FRYL: variants seen among roughly 807,000 people sequenced by gnomAD.
FRYL encodes protein furry homolog-like.
In FRYL, 150 loss-of-function variants were observed where a neutral mutation model predicts 351.2. The observed-to-expected ratio is 0.43, with a 90% CI of 0.37 to 0.49. FRYL has a LOEUF of 0.49. FRYL is among the 20% of genes least tolerant of loss of function. The pLI, the probability that FRYL is intolerant of heterozygous loss-of-function variation, is 0.00. For missense variants in FRYL, 3,036 were observed against 3,619.3 expected, an observed-to-expected ratio of 0.84 and a Z score of 4.13; for synonymous variants, 1,153 against 1,257.1, an observed-to-expected ratio of 0.92 and a Z score of 1.75.
intron 8 of FRYL, 37 bp downstream of exon 8, chr4:48,609,707 A>G (rs1220984687): frequency 9.1e-7 from 1 of 1,103,550 alleles, no homozygotes. Flanking sequence ...CTGGATTGCA[A>G]AAAAAGGCAA....
At position 48,534,700 on chromosome 4, in the gene FRYL, AAAAG is replaced by A; in HGVS notation, c.6565-19_6565-16del. 1 of 1,455,088 alleles carries A rather than the reference AAAAG, an allele frequency of 6.9e-7. No homozygotes were observed. The highest frequency in any genetic ancestry group is 9.5e-7 in the Non-Finnish European group (1 of 1,053,320). The allele number at this position is 1,455,088 out of a possible 1,614,324, so 90.1% of individuals were successfully genotyped here. On this transcript the variant is annotated splice_polypyrimidine_tract_variant and intron_variant, in intron 48 of 63. Transcript: ENST00000358350. Reference sequence around the variant, plus strand: ...TTCTCTAACAGCTAAAAATAATGTTAAAAGTAATATTAAAGTATACTTTAATCAG... The same window carrying A: ...TTCTCTAACAGCTAAAAATAATGTTATAATATTAAAGTATACTTTAATCAG...
intron 3 of FRYL, among the ~76,000 whole-genome samples, chr4:48,652,676 TAA>T (rs1191135360): frequency 5.9e-5 from 9 of 152,320 alleles, no homozygotes; most frequent in Non-Finnish European, 1.0e-4. Flanking sequence ...GACTTTATCT[TAA>T]GAGGGTTTTT....
intron 4 of FRYL, among the ~76,000 whole-genome samples, chr4:48,632,098 A>ATATATATG (rs1753228038): frequency 2.3e-4 from 5 of 21,478 alleles, no homozygotes; most frequent in African/African-American, 4.5e-4. Flanking sequence ...AAAAATATAT[A>ATATATATG]TATATATATA....
Position 48,553,374 on chromosome 4 carries a change from CCTT to C in FRYL, c.4273_4275del (p.Lys1425del). 6.2e-7 allele frequency: 1 copy of C among 1,602,498 alleles called. No homozygotes were observed. The highest frequency in any genetic ancestry group is 8.5e-7 in the Non-Finnish European group (1 of 1,175,622). On this transcript the variant is annotated inframe_deletion, in exon 36 of 64. Coordinates refer to ENST00000358350, the MANE Select transcript of FRYL (RefSeq NM_015030.2). Reference sequence around the variant, plus strand: ...TTATCTCTACCTAAATATACAATGACCTTCTTCACCTGTCACAAAAGAAATCGT... The same window carrying C: ...TTATCTCTACCTAAATATACAATGACCTTCACCTGTCACAAAAGAAATCGT...
chr4:48,534,494 T>C (rs1220687086), intron 49 of FRYL, 51 bp downstream of exon 49: 1 of 1,392,446 alleles, frequency 7.2e-7, no homozygotes, highest in Admixed American at 1.9e-5. Flanking sequence ...TGTGTGATTA[T>C]AAATCATTTT....
At chr4:48,503,179 C>T (rs1720102727) in intron 60 of FRYL, among the ~76,000 whole-genome samples, 1 of 150,592 alleles carries the variant, frequency 6.6e-6, no homozygotes, top group Non-Finnish European at 1.5e-5. Context: ...AAAACCAAAA[C>T]CCAACTGTAA....
chr4:48,570,127 TTAAGA>T (rs1278167396), intron 27 of FRYL, among the ~76,000 whole-genome samples: 4 of 152,208 alleles, frequency 2.6e-5, no homozygotes, highest in Non-Finnish European at 5.9e-5. Context: ...TTTTTTTTCC[TTAAGA>T]TATCTTTTCA....
In FRYL at chr4:48,553,289, G is replaced by A. The variant is rs1733301879; in HGVS notation, c.4361C>T (p.Ser1454Leu). The change falls in exon 36 of 64, where the codon TCA (serine) becomes TTA (leucine). Residue 1454 changes from serine (S) to leucine (L), a missense_variant. By Grantham distance (145) the Ser-to-Leu change is moderately radical. Around this residue, in one of 7 missense-constraint regions of FRYL, gnomAD observed 1,987 missense variants for 2,311.7 expected, o/e 0.86. Coordinates refer to ENST00000358350, the MANE Select transcript of FRYL (RefSeq NM_015030.2). ...SELQLTDPVS[S>L]GVTHMDNPPY... Reference sequence around the variant, plus strand: ...GGGATTATCCATGTGAGTGACCCCTGAACTGACAGGATCGGTCAGCTGAAG... The same window carrying A: ...GGGATTATCCATGTGAGTGACCCCTAAACTGACAGGATCGGTCAGCTGAAG... The A allele has an allele frequency of 6.2e-7, 1 of 1,613,202 alleles. No individual in the cohort carries two copies. The highest frequency in any genetic ancestry group is 8.5e-7 in the Non-Finnish European group (1 of 1,179,366).
In FRYL at chr4:48,547,764, C is replaced by T; in HGVS notation, c.4894G>A (p.Asp1632Asn). The T allele has an allele frequency of 6.7e-7, 1 of 1,492,210 alleles. No individual in the cohort carries two copies. Among genetic ancestry groups the T allele is most frequent in the Non-Finnish European group, 9.0e-7 (1 of 1,106,360 alleles). The allele number at this position is 1,492,210 out of a possible 1,614,324, so 92.4% of individuals were successfully genotyped here. Residue 1632 changes from aspartate (D) to asparagine (N), a missense_variant, in exon 41 of 64, where the codon GAC (aspartate) becomes AAC (asparagine). By Grantham distance (23) the Asp-to-Asn change is conservative. Around this residue, in one of 7 missense-constraint regions of FRYL, gnomAD observed 1,987 missense variants for 2,311.7 expected, o/e 0.86. Transcript: ENST00000358350. ...LLLHAIFIGF[D>N]HCHPEVYEHC... ...TCATACACCTCAGGGTGGCAGTGGT[C>T]AAACCCTAAAAAGGATAGTAGAGAA...
At chr4:48,592,995 GAATT>G (rs983924329) in intron 16 of FRYL, among the ~76,000 whole-genome samples, 6 of 151,890 alleles carry the variant, frequency 4.0e-5, no homozygotes, top group East Asian at 3.9e-4. Flanking sequence ...TTCCAACAAA[GAATT>G]AATTTATGAA....
intron 10 of FRYL, among the ~76,000 whole-genome samples, chr4:48,606,234 C>T (rs944868362): frequency 7.9e-5 from 12 of 151,662 alleles, no homozygotes; most frequent in Admixed American, 7.2e-4. Context: ...GATCATGCCA[C>T]TGCACTCCAG....
chr4:48,694,985 T>C (rs759362185), intron 2 of FRYL, among the ~76,000 whole-genome samples: 1 of 152,084 alleles, frequency 6.6e-6, no homozygotes, highest in Non-Finnish European at 1.5e-5. Context: ...TCACCTAAGC[T>C]TGGTAGGTAG....
chr4:48,511,068 G>T, intron 57 of FRYL, 84 bp from the exon 58 acceptor site: 1 of 765,304 alleles, frequency 1.3e-6, no homozygotes, highest in South Asian at 1.9e-5. Flanking sequence ...TAATAGGGTA[G>T]ACTTTTATTT....
At chr4:48,590,181 A>G (rs1742943453) in intron 17 of FRYL, among the ~76,000 whole-genome samples, 2 of 152,030 alleles carry the variant, frequency 1.3e-5, no homozygotes, top group Non-Finnish European at 2.9e-5. Flanking sequence ...GACTATTATC[A>G]AAAAAACGTA....
chr4:48,653,523 G>T (rs1479488240), intron 3 of FRYL, among the ~76,000 whole-genome samples: 1 of 151,984 alleles, frequency 6.6e-6, no homozygotes, highest in Non-Finnish European at 1.5e-5. Context: ...ATTAACTACT[G>T]ATTTTACAAC....
At chr4:48,755,468 A>G (rs1773679323) in intron 1 of FRYL, among the ~76,000 whole-genome samples, 1 of 152,202 alleles carries the variant, frequency 6.6e-6, no homozygotes, top group Admixed American at 6.5e-5. Context: ...TGCCTCAACC[A>G]ATCACATTTC....
At chr4:48,697,562 C>T (rs1006608317) in intron 2 of FRYL, among the ~76,000 whole-genome samples, 42 of 152,148 alleles carry the variant, frequency 2.8e-4, no homozygotes, top group Admixed American at 1.0e-3. Context: ...TTACTGCAAC[C>T]TCTGCCTCCT....
At chr4:48,733,568 T>G (rs1200825568) in intron 1 of FRYL, among the ~76,000 whole-genome samples, 1 of 152,140 alleles carries the variant, frequency 6.6e-6, no homozygotes, top group Non-Finnish European at 1.5e-5. Flanking sequence ...TTTTTCTTAC[T>G]CCTAATTAAC....
intron 1 of FRYL, among the ~76,000 whole-genome samples, chr4:48,764,188 A>T (rs1193237302): frequency 3.3e-5 from 5 of 152,126 alleles, no homozygotes; most frequent in African/African-American, 9.6e-5. Flanking sequence ...ATAAATAAAT[A>T]AATAAATTAA....
Sources: gnomAD v4.1 joint callset for allele counts (sites outside exome capture counted in the v4.1 genomes callset) on GRCh38, gnomAD v4.1.1 for gene constraint, gnomAD v4.1.1 regional missense constraint, MANE v1.5 for transcripts, NCBI Gene and HGNC (gene_info 2026-07-23, HGNC 2026-07-21) for gene names.